Variants in CCDC57 observed in about 807,000 individuals in gnomAD.
CCDC57 encodes the protein coiled-coil domain containing 57.
In CCDC57, 118 loss-of-function variants were observed where a neutral mutation model predicts 118.9. The observed-to-expected ratio is 0.99, with a 90% CI of 0.86 to 1.16. The LOEUF (loss-of-function observed/expected upper bound fraction) is 1.16, where lower values mean the gene tolerates loss of function less well. Among genes scored for constraint, CCDC57 ranks in the 50% most tolerant of loss-of-function variants. The pLI, the probability that CCDC57 is intolerant of heterozygous loss-of-function variation, is 0.00. For missense variants in CCDC57, 1,300 were observed against 1,320.7 expected, an observed-to-expected ratio of 0.98 and a Z score of 0.24; for synonymous variants, 527 against 532.9, an observed-to-expected ratio of 0.99 and a Z score of 0.15.
intron 19 of CCDC57, among the ~76,000 whole-genome samples, chr17:82,119,517 A>G (rs970417592): frequency 2.6e-5 from 4 of 152,148 alleles, no homozygotes; most frequent in African/African-American, 9.6e-5. Context: ...GACCGATAGA[A>G]TCAAGTTTAG....
chr17:82,106,709 T>C (rs114176567), intron 19 of CCDC57: 3,061 of 152,444 alleles, frequency 0.02, 109 homozygotes, highest in African/African-American at 0.071. Flanking sequence ...TCATGCCCCT[T>C]GGGCCAGGAC....
intron 16 of CCDC57, among the ~76,000 whole-genome samples, chr17:82,136,091 C>G (rs955607385): frequency 1.3e-5 from 2 of 152,102 alleles, no homozygotes; most frequent in African/African-American, 4.8e-5. Flanking sequence ...ACACAGAATT[C>G]CCACATGACC....
At chr17:82,132,118 CAA>C (rs58856013) in intron 17 of CCDC57, among the ~76,000 whole-genome samples, 26 of 101,888 alleles carry the variant, frequency 2.6e-4, no homozygotes, top group African/African-American at 6.6e-4. Flanking sequence ...GACTCTGTCT[CAA>C]AAAAAAAAAA....
chr17:82,116,947 T>C (rs1001165025), intron 19 of CCDC57, among the ~76,000 whole-genome samples: 2 of 152,262 alleles, frequency 1.3e-5, no homozygotes, highest in Non-Finnish European at 2.9e-5. Flanking sequence ...ACGCCCATTT[T>C]TCTGTTGCTA....
At chr17:82,143,810 T>G (rs1175099935) in intron 16 of CCDC57, among the ~76,000 whole-genome samples, 1 of 151,742 alleles carries the variant, frequency 6.6e-6, no homozygotes, top group African/African-American at 2.4e-5. Context: ...TAAAAACAGC[T>G]TCCCCAGGCC....
rs532628191 is a variant in CCDC57 at position 82,193,030 on chromosome 17, G to A, written c.851+726C>T. On this transcript the variant is annotated intron_variant, in intron 7 of 19. Coordinates refer to ENST00000665763, the Ensembl canonical transcript of CCDC57. ...TGGGATTACAGGCCTGAGCCACCGC[G>A]CCCAGCCAGGTGTTAAAAATTTTGT... is the stretch of plus-strand genomic sequence containing the variant. Among the ~76,000 whole-genome samples, 7 of 152,058 alleles carry A rather than the reference G, an allele frequency of 4.6e-5. No homozygotes were observed. The East Asian group carries it at 1.4e-3, about 29-fold the overall frequency.
intron 19 of CCDC57, chr17:82,104,761 G>C (rs1053335799): frequency 6.6e-6 from 1 of 152,190 alleles, no homozygotes; most frequent in Non-Finnish European, 1.5e-5. Context: ...GGATGGTCTC[G>C]ATCTCCTGAC....
intron 11 of CCDC57, among the ~76,000 whole-genome samples, chr17:82,173,247 C>T (rs2045008967): frequency 2.6e-5 from 4 of 152,164 alleles, no homozygotes; most frequent in Admixed American, 2.6e-4. Context: ...GCGCTTCATG[C>T]TGCTGAACTG....
chr17:82,116,428 T>C (rs1447565711), intron 19 of CCDC57, among the ~76,000 whole-genome samples: 1 of 151,950 alleles, frequency 6.6e-6, no homozygotes, highest in Admixed American at 6.6e-5. Flanking sequence ...CTGGCCCCAA[T>C]CTTGATGAGG....
intron 4 of CCDC57, among the ~76,000 whole-genome samples, chr17:82,197,060 A>G (rs1386311106): frequency 7.9e-6 from 1 of 126,430 alleles, no homozygotes; most frequent in Non-Finnish European, 1.6e-5. Context: ...GCCCCTCGTG[A>G]CTCCTGCAGA....
At chr17:82,121,081 C>T (rs62080003) in intron 19 of CCDC57, among the ~76,000 whole-genome samples, 79,919 of 151,856 alleles carry the variant, frequency 0.53, 21,839 homozygotes, top group Non-Finnish European at 0.58. Context: ...ATTGCAACAC[C>T]GATGCTAAGA....
Position 82,208,216 on chromosome 17 carries a change from T to C in CCDC57, c.-210-168A>G, listed in dbSNP as rs139307652. Among the ~76,000 whole-genome samples, 370 of 151,798 alleles carry C rather than the reference T, an allele frequency of 2.4e-3. 2 individuals carry two copies. The highest frequency in any genetic ancestry group is 8.5e-3 in the African/African-American group (353 of 41,366). ...AGCCACTGCGCCCAGCCCAAATATA[T>C]ATATTTTTATGACCTCCATGTATAA... On this transcript the variant is annotated intron_variant, in intron 1 of 19. Coordinates refer to ENST00000665763, the Ensembl canonical transcript of CCDC57.
intron 16 of CCDC57, among the ~76,000 whole-genome samples, chr17:82,138,154 T>TC (rs1042355322): frequency 6.8e-6 from 1 of 148,090 alleles, no homozygotes; most frequent in African/African-American, 2.5e-5. Flanking sequence ...TCTCTTTTTT[T>TC]TTTTTTTTTT....
At position 82,118,180 on chromosome 17, in the gene CCDC57, A is replaced by T. The variant is rs1195675618; in HGVS notation, c.2899+9512T>A. Reference sequence around the variant, plus strand: ...AAAGAGGATATACACATATATTTAAAAAACCACTTCTGTTCTGAGGGTGGC... The same window carrying T: ...AAAGAGGATATACACATATATTTAATAAACCACTTCTGTTCTGAGGGTGGC... On this transcript the variant is annotated intron_variant, in intron 19 of 19. Transcript: ENST00000665763. This position sits in a 1 kb window ranked among gnomAD's most constrained non-coding sequence, Gnocchi z 4.7. Among the ~76,000 whole-genome samples the T allele has an allele frequency of 6.6e-6, 1 of 152,210 alleles. No homozygotes were observed. The highest frequency in any genetic ancestry group is 1.5e-5 in the Non-Finnish European group (1 of 68,038).
intron 14 of CCDC57, 135 bp downstream of exon 13, chr17:82,163,065 A>G (rs2043540145): frequency 3.6e-6 from 4 of 1,114,282 alleles, no homozygotes; most frequent in African/African-American, 3.1e-5. Flanking sequence ...CCTTCCTCAG[A>G]AAAAAACAGG....
At chr17:82,144,379 G>A (rs2145642115) in intron 16 of CCDC57, among the ~76,000 whole-genome samples, 1 of 152,114 alleles carries the variant, frequency 6.6e-6, no homozygotes, top group East Asian at 1.9e-4. Context: ...CATCATTCTA[G>A]AAAGTCATCT....
chr17:82,192,467 C>T lies in CCDC57; in HGVS notation c.851+1289G>A, dbSNP rs554846204. Among the ~76,000 whole-genome samples, 1 of 152,322 alleles carries T rather than the reference C, an allele frequency of 6.6e-6. No individual in the cohort carries two copies. The highest frequency in any genetic ancestry group is 2.1e-4 in the South Asian group (1 of 4,820). ...GGGCTAGATGCCCCTAACCCCCTCA[C>T]TGTTTAAGCATCAACTGTATTTCAA... On this transcript the variant is annotated intron_variant, in intron 7 of 19. Transcript: ENST00000665763. The surrounding 1 kb of genome is among the most constrained non-coding windows in gnomAD (Gnocchi z 4.0).
intron 4 of CCDC57, among the ~76,000 whole-genome samples, chr17:82,196,967 C>T (rs1400315675): frequency 5.4e-5 from 8 of 147,052 alleles, no homozygotes; most frequent in African/African-American, 1.5e-4. Flanking sequence ...CCTGCAGAGA[C>T]GCAGCCCCTC....
chr17:82,166,200 C>A (rs2043965971), intron 13 of CCDC57, among the ~76,000 whole-genome samples: 1 of 151,966 alleles, frequency 6.6e-6, no homozygotes, highest in East Asian at 1.9e-4. Context: ...CAAGATGACA[C>A]AGACATTGGA....
Sources: gnomAD v4.1 joint callset for allele counts (sites outside exome capture counted in the v4.1 genomes callset) on GRCh38, gnomAD v4.1.1 for gene constraint, Gnocchi (gnomAD v3.1) non-coding constraint, MANE v1.5 for transcripts, NCBI Gene and HGNC (gene_info 2026-07-23, HGNC 2026-07-21) for gene names.